The following ABCA3 variants were observed in gnomAD, a reference collection of about 807,000 sequenced individuals.
ABCA3 encodes the protein phospholipid-transporting ATPase ABCA3.
In ABCA3, 88 loss-of-function variants were observed where a neutral mutation model predicts 172.8. That is an observed-to-expected ratio of 0.51 (90% CI 0.43 to 0.61). The LOEUF is 0.61. Ranked by LOEUF, ABCA3 falls within the 20% of genes least tolerant of loss-of-function variation. The pLI, the probability that ABCA3 is intolerant of heterozygous loss-of-function variation, is 0.00. For missense variants in ABCA3, 2,164 were observed against 2,301.0 expected (o/e 0.94, Z 1.22); for synonymous variants, 1,066 against 983.8 (o/e 1.08, Z -1.56).
chr16:2,314,051 C>T (rs913450823), intron 10 of ABCA3, among the ~76,000 whole-genome samples: 7 of 152,106 alleles, frequency 4.6e-5, no homozygotes, highest in African/African-American at 7.2e-5. Context: ...GAATGCGCAC[C>T]GGTGCAGACA....
rs1232681061 is a variant in ABCA3, at chr16:2,284,113, G to A, written c.3862+166C>T. 1.7e-5 allele frequency: 14 copies of A among 804,514 alleles called. No homozygotes were observed. Among genetic ancestry groups the A allele is most frequent in the South Asian group, 3.6e-5 (2 of 54,858 alleles). 49.8% of individuals were successfully genotyped at this position (804,514 alleles called of 1,614,324 possible). A position where few individuals can be genotyped will look rare whatever the true frequency, so the allele number is the denominator to read the frequency against. On this transcript the variant is annotated intron_variant, in intron 25 of 32. Transcript: ENST00000301732. The surrounding 1 kb of genome is among the most constrained non-coding windows in gnomAD (Gnocchi z 5.9). ...TCAGGTACAGGGCCTGGGAGCGAGC[G>A]GGCGCGAGGGGGCTGCTGTGGGAGG...
At chr16:2,296,111 G>A (rs1055240187) in intron 17 of ABCA3, among the ~76,000 whole-genome samples, 1 of 152,210 alleles carries the variant, frequency 6.6e-6, no homozygotes, top group Admixed American at 6.5e-5. Flanking sequence ...GTGGTTCTAG[G>A]AAGGGACTGT....
At chr16:2,331,278 CACA>C (rs758673845) in intron 1 of ABCA3, among the ~76,000 whole-genome samples, 4 of 152,044 alleles carry the variant, frequency 2.6e-5, no homozygotes, top group Non-Finnish European at 5.9e-5. Flanking sequence ...GATCTCGGCT[CACA>C]ACAACCTCCA....
chr16:2,335,775 C>T (rs2093750791), intron 1 of ABCA3, among the ~76,000 whole-genome samples: 1 of 152,174 alleles, frequency 6.6e-6, no homozygotes, highest in Non-Finnish European at 1.5e-5. Context: ...TTAAAACAAA[C>T]AAACAAACCA....
At chr16:2,303,780 T>A (rs146527113) in intron 12 of ABCA3, among the ~76,000 whole-genome samples, 189 bp downstream of exon 12, 1 of 152,164 alleles carries the variant, frequency 6.6e-6, no homozygotes, top group Non-Finnish European at 1.5e-5. Context: ...ATGGAGGGTC[T>A]TTCTCTCTCT....
chr16:2,319,497 AT>A, intron 8 of ABCA3, 83 bp downstream of exon 8: 1 of 1,534,334 alleles, frequency 6.5e-7, no homozygotes, highest in African/African-American at 1.4e-5. Context: ...AAAAAAAAAA[AT>A]ACTAAAACAC....
At chr16:2,305,063 T>C (rs2093695487) in intron 11 of ABCA3, among the ~76,000 whole-genome samples, 1 of 152,182 alleles carries the variant, frequency 6.6e-6, no homozygotes, top group Non-Finnish European at 1.5e-5. Context: ...CCTACCCGCC[T>C]TGGCCTCCCA....
chr16:2,284,686 A>T lies in ABCA3; in HGVS notation c.3703+93T>A. The T allele has an allele frequency of 7.2e-7, 1 of 1,396,802 alleles. No individual in the cohort carries two copies. Among genetic ancestry groups the T allele is most frequent in the Non-Finnish European group, 9.9e-7 (1 of 1,013,096 alleles). The allele number at this position is 1,396,802 out of a possible 1,614,324, so 86.5% of individuals were successfully genotyped here. On this transcript the variant is annotated intron_variant, in intron 24 of 32. Coordinates refer to ENST00000301732, the MANE Select transcript of ABCA3 (RefSeq NM_001089.3). The surrounding 1 kb of genome is among the most constrained non-coding windows in gnomAD (Gnocchi z 5.9). ...GAGCATGAACTGGGCCCATTGCCTG[A>T]GTCCCGCCTCGGCTGTGGCTGGTGC... is the stretch of plus-strand genomic sequence containing the variant.
Position 2,275,895 on chromosome 16 carries a change from A to G in ABCA3, c.*779T>C, listed in dbSNP as rs1468217271. The G allele has an allele frequency of 6.2e-6, 1 of 161,184 alleles. No homozygotes were observed. The highest frequency in any genetic ancestry group is 2.4e-5 in the African/African-American group (1 of 41,488). The allele number at this position is 161,184 out of a possible 1,614,324, so 10.0% of individuals were successfully genotyped here. On this transcript the variant is annotated 3_prime_UTR_variant, in exon 33 of 33. Coordinates refer to ENST00000301732, the MANE Select transcript of ABCA3 (RefSeq NM_001089.3). ...CAGACTGTGACTGTGTCCCCTCAGC[A>G]TTTATTTTCTGGATGGTCACAACGT...
rs777875956 is a variant in ABCA3 at position 2,286,926 on chromosome 16, C to G, written c.3046G>C (p.Gly1016Arg). The change falls in exon 22 of 33, where the codon GGG becomes CGG. Residue 1016 changes from glycine to arginine, a missense_variant. Gly to Arg is a moderately radical substitution (Grantham distance 125). Around this residue, in one of 3 missense-constraint regions of ABCA3, gnomAD observed 1,343 missense variants for 1,369.6 expected, o/e 0.98. Transcript: ENST00000301732. This position sits in a 1 kb window ranked among gnomAD's most constrained non-coding sequence, Gnocchi z 5.2. ...EFLIFRASVE[G>R]GGFNERCLVA... ...AGGCACCGCTCATTAAAGCCGCCCC[C>G]CTCCACAGAAGCCCTGAAGATCAAG... 3 of 1,613,820 alleles carry G rather than the reference C, an allele frequency of 1.9e-6. No individual in the cohort carries two copies. The highest frequency in any genetic ancestry group is 2.5e-6 in the Non-Finnish European group (3 of 1,180,006).
At chr16:2,282,950 G>A (rs2093657272) in intron 26 of ABCA3, among the ~76,000 whole-genome samples, 2 of 152,234 alleles carry the variant, frequency 1.3e-5, no homozygotes, top group Admixed American at 1.3e-4. Flanking sequence ...ACGGCCCTGG[G>A]CCCCCAGGCT....
In ABCA3 at chr16:2,292,309, C is replaced by G. The variant is rs776359693; in HGVS notation, c.2415-71G>C. On this transcript the variant is annotated intron_variant, in intron 18 of 32. Transcript: ENST00000301732. ...TAGATAATTTGTTCCTAAAGCATCA[C>G]CCCCCCTCGGCCAGGCACAGTGCCT... 8.9e-6 allele frequency: 12 copies of G among 1,341,100 alleles called. No individual in the cohort carries two copies. In the African/African-American group the frequency reaches 1.6e-4, roughly 18 times the overall value. 83.1% of individuals were successfully genotyped at this position (1,341,100 alleles called of 1,614,324 possible). A position where few individuals can be genotyped will look rare whatever the true frequency, so the allele number is the denominator to read the frequency against.
At chr16:2,315,681 T>C (rs1411868302) in intron 10 of ABCA3, among the ~76,000 whole-genome samples, 1 of 152,054 alleles carries the variant, frequency 6.6e-6, no homozygotes, top group African/African-American at 2.4e-5. Context: ...TTTTCTTTTT[T>C]TGAGACAGGG....
At chr16:2,333,909 C>CA (rs2093747444) in intron 1 of ABCA3, among the ~76,000 whole-genome samples, 1 of 152,004 alleles carries the variant, frequency 6.6e-6, no homozygotes, top group African/African-American at 2.4e-5. Context: ...AGGCTGGTCT[C>CA]AAACTCTTGA....
chr16:2,288,276 G>A lies in ABCA3; in HGVS notation c.2754C>T (p.Tyr918=). 6.3e-7 allele frequency: 1 copy of A among 1,584,082 alleles called. No individual in the cohort carries two copies. The highest frequency in any genetic ancestry group is 1.1e-5 in the South Asian group (1 of 87,496). ...FWAMFLKKAA[Y]SWREWKMVAA... ...CCACCATTTTCCACTCGCGCCAGCTGTATGCGGCCTTCTTCAGGAACATGG... is the reference window on the plus strand; with the variant it reads ...CCACCATTTTCCACTCGCGCCAGCTATATGCGGCCTTCTTCAGGAACATGG... Residue 918 remains tyrosine, a synonymous_variant, in exon 21 of 33, where the codon TAC becomes TAT. Coordinates refer to ENST00000301732, the MANE Select transcript of ABCA3 (RefSeq NM_001089.3).
intron 12 of ABCA3, among the ~76,000 whole-genome samples, chr16:2,303,760 A>G (rs962311713): frequency 6.6e-6 from 1 of 151,722 alleles, no homozygotes; most frequent in African/African-American, 2.4e-5. Flanking sequence ...CGGAAGGATT[A>G]CTCTTGGGCA....
intron 8 of ABCA3, 72 bp from the exon 9 acceptor site, chr16:2,317,836 G>T: frequency 1.4e-6 from 2 of 1,427,498 alleles, no homozygotes; most frequent in Non-Finnish European, 2.0e-6. Context: ...CAGGCTGGAC[G>T]GCAGCAGGCC....
rs1182459936 is a variant in ABCA3 at position 2,286,594 on chromosome 16, G to A, written c.3278+100C>T. The A allele has an allele frequency of 5.4e-6, 8 of 1,490,660 alleles. No homozygotes were observed. The African/African-American group carries it at 8.3e-5, about 15-fold the overall frequency. The allele number at this position is 1,490,660 out of a possible 1,614,324, so 92.3% of individuals were successfully genotyped here. On this transcript the variant is annotated intron_variant, in intron 22 of 32. Coordinates refer to ENST00000301732, the MANE Select transcript of ABCA3 (RefSeq NM_001089.3). This position sits in a 1 kb window ranked among gnomAD's most constrained non-coding sequence, Gnocchi z 5.2. ...CCCACCAGACCCAGGGGCTTTGGGAGGGCAGACACAATGCTCTATCTATGG... is the reference window on the plus strand; with the variant it reads ...CCCACCAGACCCAGGGGCTTTGGGAAGGCAGACACAATGCTCTATCTATGG...
chr16:2,299,807 C>A (rs553013604), intron 13 of ABCA3, among the ~76,000 whole-genome samples, 198 bp downstream of exon 13: 37 of 152,302 alleles, frequency 2.4e-4, no homozygotes, highest in African/African-American at 8.7e-4. Flanking sequence ...TCTGGCATTT[C>A]CTGAGAAGCT....
Sources: allele counts gnomAD v4.1 joint callset (sites outside exome capture counted in the v4.1 genomes callset), GRCh38; gene constraint gnomAD v4.1.1; regional missense constraint gnomAD v4.1.1; non-coding constraint Gnocchi (gnomAD v3.1); transcripts MANE v1.5; gene names NCBI Gene and HGNC (gene_info 2026-07-23, HGNC 2026-07-21).